MYO9B: variants seen among roughly 807,000 people sequenced by gnomAD.
The protein encoded by MYO9B is myosin IXB.
In MYO9B, 71 loss-of-function variants were observed where a neutral mutation model predicts 229.5. That is an observed-to-expected ratio of 0.31 (90% CI 0.26 to 0.38). MYO9B has a LOEUF of 0.38. MYO9B is among the 10% of genes least tolerant of loss of function. The probability of loss-of-function intolerance (pLI) is 1.00; values close to 1 mark genes in which losing one functional copy is unlikely to be tolerated. For synonymous variants in MYO9B, 1,185 were observed against 1,235.8 expected, an observed-to-expected ratio of 0.96 and a Z score of 0.86; for missense variants, 2,255 against 2,920.5, an observed-to-expected ratio of 0.77 and a Z score of 5.25.
chr19:17,165,198 T>G (rs2072645581), intron 10 of MYO9B, among the ~76,000 whole-genome samples: 1 of 151,908 alleles, frequency 6.6e-6, no homozygotes, highest in Non-Finnish European at 1.5e-5. Flanking sequence ...ATTAAGTGTA[T>G]TATTAAAGTT....
At chr19:17,176,971 C>T (rs756535691) in intron 14 of MYO9B, among the ~76,000 whole-genome samples, 4 of 152,092 alleles carry the variant, frequency 2.6e-5, no homozygotes, top group Admixed American at 6.6e-5. Context: ...GAGACCAAGG[C>T]GGGCGGATCA....
chr19:17,137,365 C>T (rs1309025923), intron 2 of MYO9B, among the ~76,000 whole-genome samples: 1 of 152,044 alleles, frequency 6.6e-6, no homozygotes, highest in Non-Finnish European at 1.5e-5. Flanking sequence ...ACTTAAACTC[C>T]AGTCTGGGCG....
intron 35 of MYO9B, chr19:17,208,095 T>G (rs933781824): frequency 6.6e-6 from 1 of 151,854 alleles, no homozygotes; most frequent in African/African-American, 2.4e-5. Flanking sequence ...GAGGCTACAT[T>G]GAGCTGAGAT....
Position 17,194,999 on chromosome 19 carries a change from T to C in MYO9B, c.3572T>C (p.Leu1191Pro). 6.2e-7 allele frequency: 1 copy of C among 1,613,144 alleles called. No individual in the cohort carries two copies. The highest frequency in any genetic ancestry group is 8.5e-7 in the Non-Finnish European group (1 of 1,179,852). The change falls in exon 22 of 40, where the codon CTG becomes CCG. Residue 1191 changes from leucine (L) to proline (P), a missense_variant. This residue lies in a region of MYO9B where 679 missense variants were observed against 770.2 expected (regional missense o/e 0.88). Coordinates refer to ENST00000682292, the MANE Select transcript of MYO9B (RefSeq NM_004145.4). The stretch of plus-strand genomic sequence containing the variant: ...ACCCAGGAGCAAGGGGTGAGTCTCC[T>C]GGAAGACAAAAAGGAGAGCAGAGAA... ...RVTQEQGVSLLEDKKESREDE... is the reference protein window; with the variant it reads ...RVTQEQGVSLPEDKKESREDE...
At position 17,160,858 on chromosome 19, in the gene MYO9B, C is replaced by T. The variant is rs1045033157; in HGVS notation, c.1419+1374C>T. On this transcript the variant is annotated intron_variant, in intron 8 of 39. Transcript: ENST00000682292. Reference sequence around the variant, plus strand: ...GGGATTACAGGCATGTGCCACCACGCCCGGCTACTTTTGTATTTTTAGTAG... The same window carrying T: ...GGGATTACAGGCATGTGCCACCACGTCCGGCTACTTTTGTATTTTTAGTAG... Among the ~76,000 whole-genome samples, 32 of 152,118 alleles carry T rather than the reference C, an allele frequency of 2.1e-4. 1 individual carries two copies. The highest frequency in any genetic ancestry group is 3.4e-4 in the Non-Finnish European group (23 of 68,004).
chr19:17,138,025 A>G (rs1187213439), intron 2 of MYO9B, among the ~76,000 whole-genome samples: 1 of 151,782 alleles, frequency 6.6e-6, no homozygotes, highest in Non-Finnish European at 1.5e-5. Flanking sequence ...TACATTAGGT[A>G]TTTCTCCTAA....
chr19:17,131,292 G>A (rs149668954), intron 2 of MYO9B, among the ~76,000 whole-genome samples: 136 of 152,232 alleles, frequency 8.9e-4, no homozygotes, highest in Non-Finnish European at 1.3e-3. Flanking sequence ...TTTTTGAGAC[G>A]GAGTCTCGCT....
At chr19:17,120,003 A>G (rs2057946822) in intron 2 of MYO9B, among the ~76,000 whole-genome samples, 1 of 152,192 alleles carries the variant, frequency 6.6e-6, no homozygotes, top group Non-Finnish European at 1.5e-5. Flanking sequence ...GTTGCTACGA[A>G]AAATACAAAA....
intron 2 of MYO9B, among the ~76,000 whole-genome samples, chr19:17,122,549 T>A (rs1386037883): frequency 6.6e-6 from 1 of 152,066 alleles, no homozygotes; most frequent in Admixed American, 6.6e-5. Flanking sequence ...ATCACTCCCC[T>A]CATACCTCCT....
intron 2 of MYO9B, among the ~76,000 whole-genome samples, chr19:17,122,823 C>T (rs1474092110): frequency 2.6e-5 from 4 of 152,160 alleles, no homozygotes; most frequent in Admixed American, 6.5e-5. Context: ...GGGCCAGTTG[C>T]AGTGGCTCAT....
At chr19:17,197,146 G>A (rs745657811) in intron 22 of MYO9B, among the ~76,000 whole-genome samples, 19 of 151,948 alleles carry the variant, frequency 1.3e-4, no homozygotes, top group Non-Finnish European at 2.4e-4. Context: ...ATGTGTTGGC[G>A]CATGCCTCTA....
chr19:17,132,982 G>T (rs1052340145), intron 2 of MYO9B, among the ~76,000 whole-genome samples: 2 of 151,930 alleles, frequency 1.3e-5, no homozygotes, highest in East Asian at 3.9e-4. Context: ...CGAGTAGCTG[G>T]AACTACAGGC....
At chr19:17,116,255 G>T (rs1568670123) in intron 2 of MYO9B, among the ~76,000 whole-genome samples, 1 of 152,202 alleles carries the variant, frequency 6.6e-6, no homozygotes, top group African/African-American at 2.4e-5. Flanking sequence ...CATGGAACCT[G>T]TGGGCCCAGA....
intron 2 of MYO9B, among the ~76,000 whole-genome samples, chr19:17,110,299 C>A (rs554051753): frequency 5.9e-5 from 9 of 152,338 alleles, no homozygotes; most frequent in Admixed American, 1.3e-4. Context: ...TTAACTGTTG[C>A]CATCACCTTT....
In MYO9B at chr19:17,194,877, G is replaced by C. The variant is rs374683679; in HGVS notation, c.3450G>C (p.Ser1150=). The part of the protein sequence containing the change: ...KVPSSREKRE[S]RRQRGLEHVK... ...CCAGCAGCCGGGAGAAGCGTGAGTC[G>C]CGTCGGCAAAGAGGGCTGGAGCACG... Residue 1150 remains serine (S), a synonymous_variant, in exon 22 of 40, where the codon TCG becomes TCC. Transcript: ENST00000682292. 1 of 1,613,340 alleles carries C rather than the reference G, an allele frequency of 6.2e-7. No homozygotes were observed. The highest frequency in any genetic ancestry group is 8.5e-7 in the Non-Finnish European group (1 of 1,179,900).
At chr19:17,168,464 C>A (rs1403440714) in intron 11 of MYO9B, among the ~76,000 whole-genome samples, 1 of 152,190 alleles carries the variant, frequency 6.6e-6, no homozygotes, top group Non-Finnish European at 1.5e-5. Flanking sequence ...CCACGCCAGA[C>A]CTTGTGCTGA....
chr19:17,195,183 C>T lies in MYO9B; in HGVS notation c.3756C>T (p.Thr1252=). Residue 1252 remains threonine, a synonymous_variant, in exon 22 of 40, where the codon ACC becomes ACT. Coordinates refer to ENST00000682292, the MANE Select transcript of MYO9B (RefSeq NM_004145.4). This position sits in a 1 kb window ranked among gnomAD's most constrained non-coding sequence, Gnocchi z 4.5. The part of the protein sequence containing the change: ...SPRPGQLERP[T]SLALDSRVSP... ...GGCCTGGCCAGTTGGAGCGGCCGAC[C>T]AGCCTGGCCCTGGACAGCAGGGTCA... The T allele has an allele frequency of 6.2e-7, 1 of 1,611,738 alleles. No individual in the cohort carries two copies. The highest frequency in any genetic ancestry group is 8.5e-7 in the Non-Finnish European group (1 of 1,179,546).
chr19:17,121,463 A>C lies in MYO9B; in HGVS notation c.840+18906A>C, dbSNP rs191109935. Among the ~76,000 whole-genome samples, 411 of 149,830 alleles carry C rather than the reference A, an allele frequency of 2.7e-3. 4 individuals carry two copies. Among genetic ancestry groups the C allele is most frequent in the African/African-American group, 0.01 (398 of 39,682 alleles). ...ATTCCAAATATATATATATATATAT[A>C]TCCAAGAGCTGCCGCCACAGGATGA... On this transcript the variant is annotated intron_variant, in intron 2 of 39. Transcript: ENST00000682292.
chr19:17,112,531 A>T (rs1599335121), intron 2 of MYO9B, among the ~76,000 whole-genome samples: 1 of 152,084 alleles, frequency 6.6e-6, no homozygotes, highest in African/African-American at 2.4e-5. Context: ...CCTGGGAGCA[A>T]CCCCAGCCGC....
Sources: gnomAD v4.1 joint callset for allele counts (sites outside exome capture counted in the v4.1 genomes callset) on GRCh38, gnomAD v4.1.1 for gene constraint, gnomAD v4.1.1 regional missense constraint, Gnocchi (gnomAD v3.1) non-coding constraint, MANE v1.5 for transcripts, NCBI Gene and HGNC (gene_info 2026-07-23, HGNC 2026-07-21) for gene names.